Variants in FRYL observed in about 807,000 individuals in gnomAD.
FRYL encodes the protein protein furry homolog-like.
A neutral mutation model predicts 351.2 loss-of-function variants in FRYL; 150 were observed. The observed-to-expected ratio is 0.43, with a 90% confidence interval of 0.37 to 0.49. The LOEUF (loss-of-function observed/expected upper bound fraction) is 0.49. Ranked by LOEUF, FRYL falls within the 20% of genes least tolerant of loss-of-function variation. The probability of loss-of-function intolerance (pLI) is 0.00; values close to 1 mark genes in which losing one functional copy is unlikely to be tolerated. For synonymous variants in FRYL, 1,153 were observed against 1,257.1 expected, an observed-to-expected ratio of 0.92 and a Z score of 1.75; for missense variants, 3,036 against 3,619.3, an observed-to-expected ratio of 0.84 and a Z score of 4.13.
At chr4:48,711,576 T>C (rs1768046213) in intron 1 of FRYL, among the ~76,000 whole-genome samples, 1 of 152,256 alleles carries the variant, frequency 6.6e-6, no homozygotes, top group East Asian at 1.9e-4. Context: ...TCGAACTGGG[T>C]GGAGCCCACC....
At chr4:48,589,662 G>T in intron 18 of FRYL, 83 bp downstream of exon 18, 1 of 1,319,664 alleles carries the variant, frequency 7.6e-7, no homozygotes, top group Non-Finnish European at 1.1e-6. Context: ...CAAAGACCAA[G>T]TAAGGAGACA....
At chr4:48,610,612 CTATA>C (rs1212974731) in intron 7 of FRYL, among the ~76,000 whole-genome samples, 1 of 145,588 alleles carries the variant, frequency 6.9e-6, no homozygotes, top group African/African-American at 2.5e-5. Context: ...ATATGTATAC[CTATA>C]TACATATTGA....
At chr4:48,750,276 C>G (rs1285536191) in intron 1 of FRYL, among the ~76,000 whole-genome samples, 1 of 151,524 alleles carries the variant, frequency 6.6e-6, no homozygotes, top group African/African-American at 2.4e-5. Flanking sequence ...GCCTGGGCAA[C>G]ATGGGGAAAC....
At chr4:48,564,187 G>C (rs1276637491) in intron 30 of FRYL, 85 bp from the exon 31 acceptor site, 1 of 1,338,646 alleles carries the variant, frequency 7.5e-7, no homozygotes, top group Non-Finnish European at 1.0e-6. Flanking sequence ...AAGTAATATA[G>C]TGCATATATT....
chr4:48,737,975 C>G (rs1349065818), intron 1 of FRYL, among the ~76,000 whole-genome samples: 1 of 152,118 alleles, frequency 6.6e-6, no homozygotes, highest in African/African-American at 2.4e-5. Flanking sequence ...CAAGCAATAT[C>G]TACAAAAAAC....
chr4:48,639,215 TGGAAAGGCAAATAATCCA>T (rs1407438681), intron 3 of FRYL, among the ~76,000 whole-genome samples: 3 of 151,914 alleles, frequency 2.0e-5, no homozygotes, highest in African/African-American at 7.3e-5. Flanking sequence ...GAAGTTTATA[TGGAAAGGCAAATAATCCA>T]GAACAGCCAG....
rs150095247 is a variant in FRYL at position 48,733,148 on chromosome 4, G to A, written c.-383-22450C>T. On this transcript the variant is annotated intron_variant, in intron 1 of 63. Transcript: ENST00000358350. ...AAATTAGCTGGGCTTGGTGGTAGGC[G>A]CCTGTAATCCCAGCCACTCGGGAGG... Among the ~76,000 whole-genome samples, 663 of 151,812 alleles carry A rather than the reference G, an allele frequency of 4.4e-3. 8 individuals carry two copies. The highest frequency in any genetic ancestry group is 0.014 in the African/African-American group (600 of 41,444).
intron 1 of FRYL, among the ~76,000 whole-genome samples, chr4:48,742,973 ATTTTTTT>A (rs71191256): frequency 1.6e-3 from 129 of 81,750 alleles, no homozygotes; most frequent in East Asian, 4.5e-3. Flanking sequence ...CGCCTGGATA[ATTTTTTT>A]TTTTTTTTTT....
rs1718834074 is a variant in FRYL at position 48,498,313 on chromosome 4, A to G, written c.*1109T>C. 1 of 152,208 alleles carries G rather than the reference A, an allele frequency of 6.6e-6. No homozygotes were observed. The highest frequency in any genetic ancestry group is 2.1e-4 in the South Asian group (1 of 4,820). The allele number at this position is 152,208 out of a possible 1,614,324, so 9.4% of individuals were successfully genotyped here. The stretch of plus-strand genomic sequence containing the variant: ...TTTTCTTGAATTCTGCAGACTTCAA[A>G]GCCTGCAAGTCATATATTCCATCAT... On this transcript the variant is annotated 3_prime_UTR_variant, in exon 64 of 64. Coordinates refer to ENST00000358350, the MANE Select transcript of FRYL (RefSeq NM_015030.2).
chr4:48,723,702 C>A (rs747503173), intron 1 of FRYL, among the ~76,000 whole-genome samples: 1 of 152,100 alleles, frequency 6.6e-6, no homozygotes, highest in African/African-American at 2.4e-5. Flanking sequence ...TCACCATTAT[C>A]TCTGCCCAAA....
At chr4:48,739,023 A>T (rs1771750318) in intron 1 of FRYL, among the ~76,000 whole-genome samples, 1 of 152,182 alleles carries the variant, frequency 6.6e-6, no homozygotes, top group African/African-American at 2.4e-5. Context: ...CTTACTATGA[A>T]GCAACACTCA....
At chr4:48,659,540 G>GAA (rs1351974782) in intron 3 of FRYL, among the ~76,000 whole-genome samples, 4 of 976 alleles carry the variant, frequency 4.1e-3, no homozygotes, top group Admixed American at 0.045. Flanking sequence ...GGAGAAGAGG[G>GAA]AGAAGGAGAA....
chr4:48,646,960 A>G (rs1359285900), intron 3 of FRYL, among the ~76,000 whole-genome samples: 4 of 152,192 alleles, frequency 2.6e-5, no homozygotes, highest in Non-Finnish European at 5.9e-5. Flanking sequence ...GGAAATATAT[A>G]GACACACGGC....
intron 59 of FRYL, 82 bp downstream of exon 59, chr4:48,509,977 T>C: frequency 2.3e-6 from 2 of 875,716 alleles, no homozygotes; most frequent in Admixed American, 2.1e-5. Flanking sequence ...TCTTCTTTTC[T>C]GTCTGGGCTA....
chr4:48,574,275 A>C (rs928308989), intron 25 of FRYL, among the ~76,000 whole-genome samples: 1 of 152,196 alleles, frequency 6.6e-6, no homozygotes, highest in African/African-American at 2.4e-5. Context: ...GTTTCTAATT[A>C]TGAGAATTTA....
At chr4:48,542,147 T>C (rs1475023633) in intron 44 of FRYL, 26 bp from the exon 45 acceptor site, 1 of 1,503,326 alleles carries the variant, frequency 6.7e-7, no homozygotes, top group East Asian at 2.3e-5. Flanking sequence ...CAGATTTTAA[T>C]TAATTATGCT....
chr4:48,697,975 C>T (rs1766360601), intron 2 of FRYL, among the ~76,000 whole-genome samples: 1 of 152,136 alleles, frequency 6.6e-6, no homozygotes, highest in Admixed American at 6.6e-5. Context: ...TTTCCACAGG[C>T]ACAGGGAGAC....
At position 48,768,508 on chromosome 4, in the gene FRYL, C is replaced by G. The variant is rs527309620; in HGVS notation, c.-384+11570G>C. 3.2e-4 allele frequency among the ~76,000 whole-genome samples: 49 copies of G among 152,226 alleles called. No homozygotes were observed. The Middle Eastern group carries it at 0.017, about 53-fold the overall frequency. Reference sequence around the variant, plus strand: ...TGGTGAAGAGTCCATAGACTTGACACAAAAAGTACAATTCAGCCGGCTGCA... The same window carrying G: ...TGGTGAAGAGTCCATAGACTTGACAGAAAAAGTACAATTCAGCCGGCTGCA... On this transcript the variant is annotated intron_variant, in intron 1 of 63. Coordinates refer to ENST00000358350, the MANE Select transcript of FRYL (RefSeq NM_015030.2).
At position 48,729,335 on chromosome 4, in the gene FRYL, G is replaced by T. The variant is rs529400260; in HGVS notation, c.-383-18637C>A. Reference sequence around the variant, plus strand: ...ACGTCTGAATAAAAGGCAGCAGACAGCTTCTCCAGACTTAAATGTCCCTGT... The same window carrying T: ...ACGTCTGAATAAAAGGCAGCAGACATCTTCTCCAGACTTAAATGTCCCTGT... On this transcript the variant is annotated intron_variant, in intron 1 of 63. Coordinates refer to ENST00000358350, the MANE Select transcript of FRYL (RefSeq NM_015030.2). Among the ~76,000 whole-genome samples, 23 of 152,362 alleles carry T rather than the reference G, an allele frequency of 1.5e-4. No individual in the cohort carries two copies. In the South Asian group the frequency reaches 4.8e-3, roughly 32 times the overall value.
Sources: allele counts gnomAD v4.1 joint callset (sites outside exome capture counted in the v4.1 genomes callset), GRCh38; gene constraint gnomAD v4.1.1; transcripts MANE v1.5; gene names NCBI Gene and HGNC (gene_info 2026-07-23, HGNC 2026-07-21).